The following CCNJL variants were observed in gnomAD, a reference collection of about 807,000 sequenced individuals.
CCNJL encodes cyclin-J-like protein.
In CCNJL, 33 loss-of-function variants were observed where a neutral mutation model predicts 33.4. The observed-to-expected ratio is 0.99, with a 90% CI of 0.75 to 1.32. CCNJL has a LOEUF of 1.32. CCNJL is among the 40% of genes most tolerant of loss of function. The pLI is 0.00. For missense variants in CCNJL, 512 were observed against 499.7 expected, an observed-to-expected ratio of 1.02 and a Z score of -0.23; for synonymous variants, 227 against 220.9, an observed-to-expected ratio of 1.03 and a Z score of -0.24.
At chr5:160,282,181 G>A (rs1004271800) in intron 2 of CCNJL, among the ~76,000 whole-genome samples, 2 of 152,146 alleles carry the variant, frequency 1.3e-5, no homozygotes, top group African/African-American at 2.4e-5. Flanking sequence ...GCAGATCCAG[G>A]ACTAGAAAGG....
At chr5:160,314,858 T>A (rs111881300), upstream of CCNJL, among the ~76,000 whole-genome samples, 21 of 152,226 alleles carry the variant, frequency 1.4e-4, no homozygotes, top group South Asian at 6.2e-4. Context: ...AAGCTTTTTT[T>A]AAAAAAACAG....
At position 160,280,923 on chromosome 5, in the gene CCNJL, G is replaced by A. The variant is rs566835586; in HGVS notation, c.67-185C>T. On this transcript the variant is annotated intron_variant, in intron 2 of 5. Transcript: ENST00000257536. ...GCTATCTCCCATCTGCTTTCACTAA[G>A]CACAGGCTCATAAAGTATCAAGGAC... 4.3e-6 allele frequency: 3 copies of A among 695,350 alleles called. 1 individual carries two copies. The South Asian group carries it at 4.5e-5, about 10-fold the overall frequency. 43.1% of individuals were successfully genotyped at this position (695,350 alleles called of 1,614,324 possible).
intron 2 of CCNJL, among the ~76,000 whole-genome samples, chr5:160,304,333 C>T (rs930900557): frequency 5.3e-5 from 8 of 152,160 alleles, no homozygotes; most frequent in Non-Finnish European, 1.2e-4. Flanking sequence ...CCATCTTGTC[C>T]CCCAACCTCA....
intron 2 of CCNJL, among the ~76,000 whole-genome samples, chr5:160,304,449 T>G (rs143243960): frequency 6.6e-6 from 1 of 152,282 alleles, no homozygotes; most frequent in African/African-American, 2.4e-5. Flanking sequence ...TTTCTCCTTA[T>G]TTTATGAACC....
intron 2 of CCNJL, among the ~76,000 whole-genome samples, chr5:160,295,214 G>C (rs1328988053): frequency 6.6e-6 from 1 of 152,240 alleles, no homozygotes; most frequent in Non-Finnish European, 1.5e-5. Context: ...TAGTCAGCCG[G>C]GCACAGTGGC....
rs1580935085 is a variant in CCNJL at position 160,252,034 on chromosome 5, A to G, written c.*1344T>C. ...GGACTGGCAAGGGGCTAAGGAATCC[A>G]AGACAGGTATTCCTCAAACAAAACA... On this transcript the variant is annotated 3_prime_UTR_variant, in exon 6 of 6. Coordinates refer to ENST00000257536, the MANE Select transcript of CCNJL (RefSeq NM_001308173.3). 6.6e-6 allele frequency: 1 copy of G among 152,444 alleles called. No individual in the cohort carries two copies. The highest frequency in any genetic ancestry group is 1.5e-5 in the Non-Finnish European group (1 of 68,042). The allele number at this position is 152,444 out of a possible 1,614,324, so 9.4% of individuals were successfully genotyped here. A position where few individuals can be genotyped will look rare whatever the true frequency, so the allele number is the denominator to read the frequency against.
At chr5:160,282,112 T>C (rs78444213) in intron 2 of CCNJL, among the ~76,000 whole-genome samples, 24,615 of 152,158 alleles carry the variant, frequency 0.16, 2,307 homozygotes, top group East Asian at 0.36. Context: ...TCGAAACAAA[T>C]TGGTGCCCCT....
Position 160,333,224 on chromosome 5 carries a change from G to A in CCNJL, n.206+6221C>T, listed in dbSNP as rs140230162. ...TGCAAGCTCCGCCTCCCAGGTTCACGCCATTCTCCTGCCTCCGCCTCCCGA... is the reference window on the plus strand; with the variant it reads ...TGCAAGCTCCGCCTCCCAGGTTCACACCATTCTCCTGCCTCCGCCTCCCGA... On this transcript the variant is annotated intron_variant and non_coding_transcript_variant, in intron 1 of 7. Coordinates refer to the CCNJL transcript ENST00000377503. 7.4e-3 allele frequency among the ~76,000 whole-genome samples: 1,126 copies of A among 151,534 alleles called. 14 individuals carry two copies. The highest frequency in any genetic ancestry group is 0.025 in the African/African-American group (1,047 of 41,280).
chr5:160,323,061 C>T (rs1290773708), intron 1 of CCNJL, among the ~76,000 whole-genome samples: 5 of 151,966 alleles, frequency 3.3e-5, no homozygotes, highest in East Asian at 1.9e-4. Context: ...GGTGAAACCC[C>T]GTCTTTACTA....
intron 2 of CCNJL, among the ~76,000 whole-genome samples, chr5:160,299,665 ACTGT>A (rs906984120): frequency 2.2e-4 from 33 of 151,484 alleles, no homozygotes; most frequent in African/African-American, 7.5e-4. Context: ...AAAATGACAC[ACTGT>A]CTGGGGGAGC....
chr5:160,290,121 A>G (rs796233804), intron 2 of CCNJL, among the ~76,000 whole-genome samples: 20 of 152,276 alleles, frequency 1.3e-4, no homozygotes, highest in African/African-American at 4.8e-4. Context: ...GGTTTCTTCT[A>G]TTAGGGGAGG....
chr5:160,296,714 C>A (rs1294439340), intron 2 of CCNJL, among the ~76,000 whole-genome samples: 1 of 152,174 alleles, frequency 6.6e-6, no homozygotes, highest in Non-Finnish European at 1.5e-5. Context: ...ACCAGGCTGC[C>A]CCTTGCAGGC....
At chr5:160,324,858 T>G (rs1447640724) in intron 1 of CCNJL, among the ~76,000 whole-genome samples, 1 of 152,228 alleles carries the variant, frequency 6.6e-6, no homozygotes, top group Non-Finnish European at 1.5e-5. Context: ...ACTGAATTTG[T>G]TACACACGTT....
chr5:160,270,225 C>T (rs1369168479), intron 3 of CCNJL, among the ~76,000 whole-genome samples: 21 of 152,106 alleles, frequency 1.4e-4, no homozygotes, highest in Non-Finnish European at 1.5e-5. Context: ...GGGCAGATCA[C>T]TTGAGGCCAG....
intron 1 of CCNJL, among the ~76,000 whole-genome samples, chr5:160,330,813 G>A (rs28694840): frequency 0.14 from 21,607 of 151,812 alleles, 1,842 homozygotes; most frequent in Middle Eastern, 0.34. Flanking sequence ...ACAGGCATGC[G>A]CCATCATGCC....
intron 3 of CCNJL, among the ~76,000 whole-genome samples, chr5:160,260,620 GT>G (rs1229469761): frequency 6.6e-6 from 1 of 152,138 alleles, no homozygotes; most frequent in Non-Finnish European, 1.5e-5. Context: ...TCAGGGGCTG[GT>G]GGGGGGGCAT....
upstream of CCNJL, among the ~76,000 whole-genome samples, chr5:160,317,103 C>A (rs1425732249): frequency 6.6e-6 from 1 of 152,214 alleles, no homozygotes; most frequent in Non-Finnish European, 1.5e-5. Flanking sequence ...CTTATTACCA[C>A]TTTGATCTTT....
intron 2 of CCNJL, among the ~76,000 whole-genome samples, chr5:160,287,045 G>T (rs532510298): frequency 9.9e-5 from 15 of 152,220 alleles, no homozygotes; most frequent in African/African-American, 3.6e-4. Context: ...CCCACATACC[G>T]GGGATTAGCT....
At chr5:160,271,128 A>C (rs1358822799) in intron 3 of CCNJL, among the ~76,000 whole-genome samples, 1 of 152,204 alleles carries the variant, frequency 6.6e-6, no homozygotes, top group Non-Finnish European at 1.5e-5. Flanking sequence ...AATAATCTCT[A>C]ATCTTAGCAC....
Sources: gnomAD v4.1 joint callset for allele counts (sites outside exome capture counted in the v4.1 genomes callset) on GRCh38, gnomAD v4.1.1 for gene constraint, MANE v1.5 for transcripts, NCBI Gene and HGNC (gene_info 2026-07-23, HGNC 2026-07-21) for gene names.